CCDC110: variants seen among roughly 807,000 people sequenced by gnomAD.
CCDC110 encodes the protein coiled-coil domain-containing protein 110.
In CCDC110, 70 loss-of-function variants were observed where a neutral mutation model predicts 77.1. That is an observed-to-expected ratio of 0.91 (90% CI 0.75 to 1.11). The LOEUF is 1.11. Among genes scored for constraint, CCDC110 ranks in the 50% least tolerant of loss-of-function variants. CCDC110 has a pLI of 0.00. For missense variants in CCDC110, 868 were observed against 942.9 expected (o/e 0.92, Z 1.04); for synonymous variants, 295 against 312.5 (o/e 0.94, Z 0.59).
intron 6 of CCDC110, among the ~76,000 whole-genome samples, chr4:185,447,593 T>A: frequency 6.6e-6 from 1 of 152,240 alleles, no homozygotes; most frequent in East Asian, 1.9e-4. Flanking sequence ...TAGCGTTAAC[T>A]ACAGAATGCT....
At chr4:185,470,737 T>G (rs1260142636) in intron 2 of CCDC110, 2 of 647,966 alleles carry the variant, frequency 3.1e-6, no homozygotes, top group Admixed American at 2.1e-5. Flanking sequence ...GGGATCGTGG[T>G]AGCACCCACC....
At chr4:185,447,447 T>A (rs2095616929) in intron 6 of CCDC110, among the ~76,000 whole-genome samples, 1 of 152,220 alleles carries the variant, frequency 6.6e-6, no homozygotes. Context: ...CCCAAAGTGC[T>A]GGGATTACAG....
At chr4:185,454,334 A>G (rs10022110) in intron 6 of CCDC110, among the ~76,000 whole-genome samples, 42,851 of 152,136 alleles carry the variant, frequency 0.28, 6,166 homozygotes, top group African/African-American at 0.35. Context: ...CTAGAAAAAC[A>G]TATATTATCC....
chr4:185,447,572 G>T (rs559441983), intron 6 of CCDC110, among the ~76,000 whole-genome samples: 1 of 152,294 alleles, frequency 6.6e-6, no homozygotes, highest in African/African-American at 2.4e-5. Context: ...TTGAGCACTT[G>T]TATGTGTCAC....
Position 185,462,677 on chromosome 4 carries a change from G to T in CCDC110, c.203C>A (p.Ala68Asp). The change falls in exon 4 of 7, where the codon GCT (alanine) becomes GAT (aspartate). Residue 68 changes from alanine to aspartate, a missense_variant. Coordinates refer to ENST00000307588, the MANE Select transcript of CCDC110 (RefSeq NM_152775.4). Reference protein sequence around the residue: ...VLQQQLESFQALRMQTLQNVS... With the variant: ...VLQQQLESFQDLRMQTLQNVS... ...ATTCTGCAAAGTCTGCATTCGCAAA[G>T]CCTGAAATGATTCCAACTGCTGCTG... The T allele has an allele frequency of 6.2e-7, 1 of 1,613,954 alleles. No homozygotes were observed. The highest frequency in any genetic ancestry group is 1.3e-5 in the African/African-American group (1 of 75,070).
intron 6 of CCDC110, among the ~76,000 whole-genome samples, chr4:185,447,911 A>G (rs1377310654): frequency 6.6e-6 from 1 of 152,238 alleles, no homozygotes; most frequent in African/African-American, 2.4e-5. Flanking sequence ...AGGTGAAATG[A>G]ATAGTCCTTC....
At chr4:185,450,190 T>C (rs2095626706) in intron 6 of CCDC110, among the ~76,000 whole-genome samples, 1 of 152,172 alleles carries the variant, frequency 6.6e-6, no homozygotes, top group African/African-American at 2.4e-5. Flanking sequence ...TGCCCTGTAT[T>C]TGTGACTTAT....
chr4:185,456,295 A>T (rs1241878327), intron 6 of CCDC110, among the ~76,000 whole-genome samples: 2 of 152,228 alleles, frequency 1.3e-5, no homozygotes, highest in Non-Finnish European at 2.9e-5. Flanking sequence ...AAGTATTTTG[A>T]ACTGAATGAA....
At chr4:185,467,483 T>G (rs1285036204) in intron 2 of CCDC110, among the ~76,000 whole-genome samples, 1 of 152,178 alleles carries the variant, frequency 6.6e-6, no homozygotes, top group Non-Finnish European at 1.5e-5. Context: ...AAGTCCCTGC[T>G]AAACATACAA....
intron 2 of CCDC110, among the ~76,000 whole-genome samples, chr4:185,464,044 C>G (rs993924915): frequency 6.6e-6 from 1 of 152,136 alleles, no homozygotes; most frequent in Non-Finnish European, 1.5e-5. Flanking sequence ...TGCAAATGCC[C>G]TTATATCCCT....
chr4:185,458,105 A>T, intron 6 of CCDC110, 21 bp downstream of exon 6: 1 of 1,482,160 alleles, frequency 6.7e-7, no homozygotes, highest in Non-Finnish European at 9.0e-7. Context: ...CATCTCTACT[A>T]ATCTACCAGG....
At chr4:185,450,080 TTAACA>T (rs2095626492) in intron 6 of CCDC110, among the ~76,000 whole-genome samples, 1 of 152,218 alleles carries the variant, frequency 6.6e-6, no homozygotes, top group African/African-American at 2.4e-5. Flanking sequence ...TAAAGCATTC[TTAACA>T]TCAAAGATAA....
intron 6 of CCDC110, among the ~76,000 whole-genome samples, chr4:185,446,729 T>G (rs1561146659): frequency 6.6e-6 from 1 of 152,258 alleles, no homozygotes; most frequent in Non-Finnish European, 1.5e-5. Flanking sequence ...CCCACAACAT[T>G]TTTTGTGATG....
chr4:185,460,677 C>T (rs890111874), intron 5 of CCDC110, among the ~76,000 whole-genome samples: 4 of 152,172 alleles, frequency 2.6e-5, no homozygotes, highest in South Asian at 4.1e-4. Context: ...AGTGTGAGTT[C>T]GAGTCAGTGT....
At chr4:185,469,051 ACAAACC>A (rs2095661149) in intron 2 of CCDC110, among the ~76,000 whole-genome samples, 1 of 152,242 alleles carries the variant, frequency 6.6e-6, no homozygotes, top group African/African-American at 2.4e-5. Context: ...AAAGTCTCTC[ACAAACC>A]CATTCCAATA....
chr4:185,465,733 A>G (rs954852204), intron 2 of CCDC110, among the ~76,000 whole-genome samples: 1 of 152,234 alleles, frequency 6.6e-6, no homozygotes, highest in Non-Finnish European at 1.5e-5. Flanking sequence ...TACCGCAATA[A>G]TCTAAGTGGA....
At chr4:185,457,345 G>C (rs1308615115) in intron 6 of CCDC110, 3 of 455,876 alleles carry the variant, frequency 6.6e-6, no homozygotes, top group Non-Finnish European at 1.3e-5. Context: ...GGAAAGGGCA[G>C]GCATCTTACT....
At position 185,462,720 on chromosome 4, in the gene CCDC110, G is replaced by A. The variant is rs572519052; in HGVS notation, c.172-12C>T. 49 of 1,609,596 alleles carry A rather than the reference G, an allele frequency of 3.0e-5. No homozygotes were observed. The highest frequency in any genetic ancestry group is 5.0e-5 in the Admixed American group (3 of 59,994). On this transcript the variant is annotated splice_polypyrimidine_tract_variant and intron_variant, in intron 3 of 6. Transcript: ENST00000307588. The stretch of plus-strand genomic sequence containing the variant: ...TGCTGCTGAAGGACCTATGACAAAA[G>A]TAAAGTATGAAATTGAGTATTTTTA...
chr4:185,466,919 A>G (rs6857096), intron 2 of CCDC110, among the ~76,000 whole-genome samples: 66,393 of 151,996 alleles, frequency 0.44, 15,451 homozygotes, highest in African/African-American at 0.61. Flanking sequence ...TTGATTGATC[A>G]AGGACAATTC....
Sources: allele counts gnomAD v4.1 joint callset (sites outside exome capture counted in the v4.1 genomes callset), GRCh38; gene constraint gnomAD v4.1.1; transcripts MANE v1.5; gene names NCBI Gene and HGNC (gene_info 2026-07-23, HGNC 2026-07-21).